MAPK10: variants seen among roughly 807,000 people sequenced by gnomAD.
The protein encoded by MAPK10 is JNK3 alpha protein kinase.
Under a neutral mutation model 59.3 loss-of-function variants are expected in MAPK10, and 25 were observed. The ratio of observed to expected loss-of-function variants is 0.42; its 90% CI spans 0.31 to 0.59. The LOEUF is 0.59. Among genes scored for constraint, MAPK10 ranks in the 20% least tolerant of loss-of-function variants. The pLI is 0.15. For missense variants in MAPK10, 351 were observed against 568.9 expected, an observed-to-expected ratio of 0.62 and a Z score of 3.90; for synonymous variants, 190 against 200.5, an observed-to-expected ratio of 0.95 and a Z score of 0.44.
intron 2 of MAPK10, among the ~76,000 whole-genome samples, chr4:86,294,128 G>A (rs1416723349): frequency 1.3e-5 from 2 of 152,202 alleles, no homozygotes; most frequent in African/African-American, 4.8e-5. Context: ...GCTCCGAGGT[G>A]TGCTGTATAG....
intron 1 of MAPK10, among the ~76,000 whole-genome samples, chr4:86,486,987 T>C (rs959194055): frequency 6.6e-6 from 1 of 152,172 alleles, no homozygotes; most frequent in Non-Finnish European, 1.5e-5. Context: ...CCCAAAGTGA[T>C]GAACATTCTG....
intron 1 of MAPK10, chr4:86,392,398 C>A (rs191150117): frequency 1.3e-5 from 2 of 149,174 alleles, no homozygotes; most frequent in African/African-American, 5.0e-5. Context: ...GCCGAAATCA[C>A]ACCATTGCAC....
chr4:86,090,210 G>A (rs1157544862), intron 9 of MAPK10: 1 of 151,590 alleles, frequency 6.6e-6, no homozygotes, highest in East Asian at 1.9e-4. Flanking sequence ...CATTCTTGTG[G>A]GGGGAAAAAT....
intron 9 of MAPK10, among the ~76,000 whole-genome samples, chr4:86,088,959 T>A (rs1358163078): frequency 6.6e-6 from 1 of 152,210 alleles, no homozygotes; most frequent in Non-Finnish European, 1.5e-5. Context: ...TTGGTAGAAC[T>A]GAATTAAGGC....
intron 1 of MAPK10, among the ~76,000 whole-genome samples, chr4:86,400,240 T>C (rs1422934517): frequency 6.6e-6 from 1 of 152,202 alleles, no homozygotes; most frequent in Non-Finnish European, 1.5e-5. Context: ...ACATGCTGAT[T>C]ATTTTTTCTC....
Position 86,012,937 on chromosome 4 carries a change from T to C in MAPK10, c.*4291A>G, listed in dbSNP as rs1231102745. The stretch of plus-strand genomic sequence containing the variant: ...GGTAATAGTCTTTGGAGTCCAATCA[T>C]GCAGAAAAACAGGCAGGTGCAAGTT... On this transcript the variant is annotated 3_prime_UTR_variant, in exon 14 of 14. Transcript: ENST00000641462. 1 of 152,188 alleles carries C rather than the reference T, an allele frequency of 6.6e-6. No individual in the cohort carries two copies. Among genetic ancestry groups the C allele is most frequent in the East Asian group, 1.9e-4 (1 of 5,198 alleles). The allele number at this position is 152,188 out of a possible 1,614,324, so 9.4% of individuals were successfully genotyped here.
At chr4:86,328,185 G>A (rs1564420005) in intron 2 of MAPK10, among the ~76,000 whole-genome samples, 2 of 151,880 alleles carry the variant, frequency 1.3e-5, no homozygotes, top group Non-Finnish European at 2.9e-5. Flanking sequence ...ATCAAAAAGT[G>A]GCAAAGGATA....
chr4:86,128,472 T>G (rs1299839336), intron 4 of MAPK10, among the ~76,000 whole-genome samples: 1 of 152,060 alleles, frequency 6.6e-6, no homozygotes, highest in Non-Finnish European at 1.5e-5. Context: ...CCTTTGCTGG[T>G]CTCTCATTCT....
At chr4:86,274,796 A>G (rs1186320418) in intron 2 of MAPK10, among the ~76,000 whole-genome samples, 1 of 152,002 alleles carries the variant, frequency 6.6e-6, no homozygotes, top group South Asian at 2.1e-4. Context: ...CAGTCTCAAG[A>G]TATTTTAAGG....
At position 86,101,265 on chromosome 4, in the gene MAPK10, A is replaced by G. The variant is rs370528587; in HGVS notation, c.565-48T>C. ...AAATTAAAAGCCAGTATCAAGTGAA[A>G]TGTTATTTCCATTGACTCAATCAAC... is the stretch of plus-strand genomic sequence containing the variant. On this transcript the variant is annotated intron_variant, in intron 7 of 13. Coordinates refer to ENST00000641462, the MANE Select transcript of MAPK10 (RefSeq NM_138982.4). The G allele has an allele frequency of 1.0e-4, 154 of 1,472,774 alleles. No individual in the cohort carries two copies. In the African/African-American group the frequency reaches 1.7e-3, roughly 16 times the overall value. 91.2% of individuals were successfully genotyped at this position (1,472,774 alleles called of 1,614,324 possible). A position where few individuals can be genotyped will look rare whatever the true frequency, so the allele number is the denominator to read the frequency against.
intron 2 of MAPK10, among the ~76,000 whole-genome samples, chr4:86,217,766 C>G (rs2088153495): frequency 6.6e-6 from 1 of 151,802 alleles, no homozygotes; most frequent in South Asian, 2.1e-4. Context: ...ATTTGTAAAG[C>G]ATAAAATACA....
chr4:86,262,715 T>C (rs2094052966), intron 2 of MAPK10, among the ~76,000 whole-genome samples: 1 of 152,214 alleles, frequency 6.6e-6, no homozygotes, highest in African/African-American at 2.4e-5. Flanking sequence ...AGCTAGAGCT[T>C]CAGCTCTCAA....
At chr4:86,121,995 T>G (rs2059334710) in intron 4 of MAPK10, among the ~76,000 whole-genome samples, 2 of 152,192 alleles carry the variant, frequency 1.3e-5, no homozygotes, top group Non-Finnish European at 2.9e-5. Flanking sequence ...TCCTGCCATT[T>G]AGTTCATCCC....
chr4:86,413,027 T>C (rs760944002), intron 1 of MAPK10, among the ~76,000 whole-genome samples: 1 of 152,222 alleles, frequency 6.6e-6, no homozygotes, highest in Non-Finnish European at 1.5e-5. Flanking sequence ...AGTTTTTCCC[T>C]GTGTTTGTGG....
intron 4 of MAPK10, among the ~76,000 whole-genome samples, chr4:86,142,609 G>A (rs1318054998): frequency 6.6e-6 from 1 of 152,140 alleles, no homozygotes; most frequent in Admixed American, 6.5e-5. Flanking sequence ...TTCTTGAGAA[G>A]CTATTGGCTC....
chr4:86,445,711 AG>A (rs1749951294), intron 1 of MAPK10, among the ~76,000 whole-genome samples: 1 of 152,204 alleles, frequency 6.6e-6, no homozygotes, highest in Non-Finnish European at 1.5e-5. Context: ...AAGCAAGAAA[AG>A]ACGAGGGTTA....
chr4:86,112,155 A>C (rs1199705841), intron 4 of MAPK10, among the ~76,000 whole-genome samples: 1 of 151,754 alleles, frequency 6.6e-6, no homozygotes, highest in East Asian at 1.9e-4. Context: ...TTCCAAAAAA[A>C]AAAAACCAGC....
intron 1 of MAPK10, among the ~76,000 whole-genome samples, chr4:86,564,288 T>G (rs560805524): frequency 6.6e-6 from 1 of 152,308 alleles, no homozygotes; most frequent in South Asian, 2.1e-4. Context: ...TGCCTAGGTT[T>G]GTATAGCTTT....
intron 2 of MAPK10, among the ~76,000 whole-genome samples, chr4:86,277,716 G>A (rs950034589): frequency 1.3e-5 from 2 of 152,070 alleles, no homozygotes; most frequent in Non-Finnish European, 2.9e-5. Context: ...GCATTGCCAG[G>A]ATGGTGGCAC....
Sources: allele counts gnomAD v4.1 joint callset (sites outside exome capture counted in the v4.1 genomes callset), GRCh38; gene constraint gnomAD v4.1.1; transcripts MANE v1.5; gene names NCBI Gene and HGNC (gene_info 2026-07-23, HGNC 2026-07-21).